NT5C2: variants seen among roughly 807,000 people sequenced by gnomAD.
The protein encoded by NT5C2 is cytosolic purine 5'-nucleotidase.
A neutral mutation model predicts 76.1 loss-of-function variants in NT5C2; 58 were observed. The observed-to-expected ratio is 0.76, with a 90% CI of 0.62 to 0.95. NT5C2 has a LOEUF of 0.95. Among genes scored for constraint, NT5C2 ranks in the 40% least tolerant of loss-of-function variants. NT5C2 has a pLI of 0.00. For synonymous variants in NT5C2, 229 were observed against 237.4 expected (o/e 0.96, Z 0.32); for missense variants, 478 against 690.3 (o/e 0.69, Z 3.45).
chr10:103,132,828 G>A (rs1445411096), intron 4 of NT5C2, among the ~76,000 whole-genome samples: 1 of 152,050 alleles, frequency 6.6e-6, no homozygotes, highest in Non-Finnish European at 1.5e-5. Context: ...GGGATTATAG[G>A]CGTGAGCCAC....
intron 6 of NT5C2, among the ~76,000 whole-genome samples, chr10:103,101,860 T>C (rs1299133982): frequency 6.6e-6 from 1 of 151,984 alleles, no homozygotes; most frequent in African/African-American, 2.4e-5. Flanking sequence ...CACGTGCTGG[T>C]ATATGAGCTG....
At chr10:103,100,091 C>T in intron 8 of NT5C2, 72 bp from the exon 9 acceptor site, 1 of 996,166 alleles carries the variant, frequency 1.0e-6, no homozygotes, top group South Asian at 1.3e-5. Context: ...AAAAATTTCC[C>T]AGGGGACCCA....
intron 3 of NT5C2, among the ~76,000 whole-genome samples, chr10:103,148,564 A>C (rs1412287673): frequency 3.3e-5 from 5 of 151,790 alleles, no homozygotes; most frequent in South Asian, 4.2e-4. Context: ...AGATCGTGCC[A>C]CTGCACTCCA....
chr10:103,093,033 G>A (rs781289881), intron 15 of NT5C2, 106 bp downstream of exon 15: 1 of 910,094 alleles, frequency 1.1e-6, no homozygotes. Flanking sequence ...CCTGCCTTTT[G>A]ACCACCTCTG....
At chr10:103,146,995 C>A (rs987170000) in intron 3 of NT5C2, among the ~76,000 whole-genome samples, 10 of 152,142 alleles carry the variant, frequency 6.6e-5, no homozygotes, top group African/African-American at 1.9e-4. Context: ...TTTGACAGAG[C>A]AATTTTGTTT....
rs181361225 is a variant in NT5C2, at chr10:103,099,067, A to T, written c.634-83T>A. 6 of 1,021,092 alleles carry T rather than the reference A, an allele frequency of 5.9e-6. No individual in the cohort carries two copies. The African/African-American group carries it at 9.7e-5, about 17-fold the overall frequency. The allele number at this position is 1,021,092 out of a possible 1,614,324, so 63.3% of individuals were successfully genotyped here. On this transcript the variant is annotated intron_variant, in intron 9 of 18. Coordinates refer to ENST00000404739, the MANE Select transcript of NT5C2 (RefSeq NM_001351169.2). ...GTTTATAAGAAAAATGGTTTTTACT[A>T]ATCAACCCAAATCCTTTCTTTTTTT...
intron 4 of NT5C2, among the ~76,000 whole-genome samples, chr10:103,135,995 G>C (rs1289494428): frequency 6.6e-6 from 1 of 152,158 alleles, no homozygotes; most frequent in African/African-American, 2.4e-5. Context: ...GCTGAGGCAG[G>C]AGAATCTCTT....
At chr10:103,140,518 T>G (rs528461167) in intron 3 of NT5C2, among the ~76,000 whole-genome samples, 1 of 152,320 alleles carries the variant, frequency 6.6e-6, no homozygotes, top group African/African-American at 2.4e-5. Context: ...AGTGCAGGTA[T>G]CTTCACAAAG....
At chr10:103,105,048 C>T (rs2148196) in intron 6 of NT5C2, among the ~76,000 whole-genome samples, 152,112 of 152,304 alleles carry the variant, frequency 1, 75,960 homozygotes, top group Middle Eastern at 1. Flanking sequence ...TTGAAAATAT[C>T]GGGACATTTC....
At chr10:103,172,132 C>G (rs891927084) in intron 3 of NT5C2, among the ~76,000 whole-genome samples, 13 of 152,062 alleles carry the variant, frequency 8.5e-5, no homozygotes, top group African/African-American at 3.1e-4. Flanking sequence ...ATCGCTTGAA[C>G]CTGGGAGGCA....
intron 4 of NT5C2, among the ~76,000 whole-genome samples, chr10:103,130,305 T>C (rs1055857147): frequency 6.6e-6 from 1 of 151,886 alleles, no homozygotes; most frequent in Non-Finnish European, 1.5e-5. Flanking sequence ...CAGGGTTAAA[T>C]GGATTAAGGG....
intron 1 of NT5C2, among the ~76,000 whole-genome samples, chr10:103,192,530 A>T (rs572355699): frequency 6.6e-6 from 1 of 152,176 alleles, no homozygotes; most frequent in African/African-American, 2.4e-5. Flanking sequence ...AAAAAAGGAG[A>T]AGAATAGGCC....
At chr10:103,122,164 A>C (rs771948147) in intron 4 of NT5C2, among the ~76,000 whole-genome samples, 1 of 152,200 alleles carries the variant, frequency 6.6e-6, no homozygotes, top group African/African-American at 2.4e-5. Context: ...ACAGGGCAAG[A>C]CTCTGTCTCA....
chr10:103,143,348 A>AGG (rs2080880028), intron 3 of NT5C2, among the ~76,000 whole-genome samples: 1 of 152,164 alleles, frequency 6.6e-6, no homozygotes, highest in African/African-American at 2.4e-5. Flanking sequence ...AAAAGCCTCC[A>AGG]CTGGGATACA....
At chr10:103,148,862 A>C (rs1750214285) in intron 3 of NT5C2, among the ~76,000 whole-genome samples, 1 of 152,206 alleles carries the variant, frequency 6.6e-6, no homozygotes, top group Admixed American at 6.5e-5. Flanking sequence ...CCCATATTAT[A>C]TACCAGTAAG....
rs552402340 is a variant in NT5C2 at position 103,162,537 on chromosome 10, T to C, written c.101+12321A>G. On this transcript the variant is annotated intron_variant, in intron 3 of 18. Transcript: ENST00000404739. ...ACTATGTATACACTAGAATAACTTT[T>C]AAATTAAACACACAATTCAAAAGAT... 2.6e-5 allele frequency among the ~76,000 whole-genome samples: 4 copies of C among 152,290 alleles called. No homozygotes were observed. In the South Asian group the frequency reaches 8.3e-4, roughly 32 times the overall value.
chr10:103,134,624 C>G (rs2078835504), intron 4 of NT5C2, among the ~76,000 whole-genome samples: 1 of 152,212 alleles, frequency 6.6e-6, no homozygotes, highest in South Asian at 2.1e-4. Context: ...TCAGAGCCCC[C>G]ACACAGAGTC....
chr10:103,149,017 T>C (rs2081983766), intron 3 of NT5C2, among the ~76,000 whole-genome samples: 1 of 152,190 alleles, frequency 6.6e-6, no homozygotes, highest in African/African-American at 2.4e-5. Context: ...CATCTCAGCC[T>C]TGACTGTACA....
At chr10:103,110,222 G>C (rs1334273309) in intron 4 of NT5C2, among the ~76,000 whole-genome samples, 1 of 152,080 alleles carries the variant, frequency 6.6e-6, no homozygotes, top group South Asian at 2.1e-4. Flanking sequence ...TTGGGAGGCC[G>C]GGGCGTGTGG....
Sources: allele counts gnomAD v4.1 joint callset (sites outside exome capture counted in the v4.1 genomes callset), GRCh38; gene constraint gnomAD v4.1.1; transcripts MANE v1.5; gene names NCBI Gene and HGNC (gene_info 2026-07-23, HGNC 2026-07-21).